Variants in CR1 observed in about 807,000 individuals in gnomAD.
CR1 encodes the protein complement C3b/C4b receptor 1 (Knops blood group).
CR1 carries 116 observed loss-of-function variants against 187.3 expected under a neutral mutation model. The observed-to-expected ratio is 0.62, with a 90% CI of 0.53 to 0.72. The LOEUF is 0.72. CR1 is among the 30% of genes least tolerant of loss of function. CR1 has a pLI of 0.00. For missense variants in CR1, 1,731 were observed against 2,110.7 expected (o/e 0.82, Z 3.52); for synonymous variants, 576 against 747.1 (o/e 0.77, Z 3.73).
At chr1:207,636,429 A>T (rs1662815272) in intron 46 of CR1, among the ~76,000 whole-genome samples, 1 of 140,128 alleles carries the variant, frequency 7.1e-6, no homozygotes, top group Non-Finnish European at 1.5e-5. Flanking sequence ...CAGACTCATT[A>T]TAAACTTGGG....
In CR1 at chr1:207,607,296, CAAT is replaced by C. The variant is rs1388043137; in HGVS notation, c.5860_5862del (p.Asn1954del). 1.9e-6 allele frequency: 3 copies of C among 1,613,512 alleles called. No homozygotes were observed. Among genetic ancestry groups the C allele is most frequent in the Non-Finnish European group, 2.5e-6 (3 of 1,179,518 alleles). On this transcript the variant is annotated inframe_deletion, in exon 36 of 47. Transcript: ENST00000367049. ...CATCTACTACTTGTCTCGTCTCAGG[CAAT>C]AATGTCACATGGGATAAGAAGGCAC...
rs1661780555 is a variant in CR1, at chr1:207,607,279, A to G, written c.5839A>G (p.Thr1947Ala). The change falls in exon 36 of 47, where the codon ACT becomes GCT. Residue 1947 changes from threonine (T) to alanine (A), a missense_variant. Physicochemically the swap from Thr to Ala is moderately conservative, Grantham distance 58. Around this residue, in one of 5 missense-constraint regions of CR1, gnomAD observed 1,312 missense variants for 1,379.6 expected, o/e 0.95. Coordinates refer to ENST00000367049, the MANE Select transcript of CR1 (RefSeq NM_000651.6). ...TCGACTCATTGGTTCCCCATCTACT[A>G]CTTGTCTCGTCTCAGGCAATAATGT... ...GFRLIGSPST[T>A]CLVSGNNVTW... The G allele has an allele frequency of 3.1e-6, 5 of 1,613,574 alleles. No individual in the cohort carries two copies. The highest frequency in any genetic ancestry group is 3.4e-6 in the Non-Finnish European group (4 of 1,179,534).
chr1:207,506,983 A>T, intron 3 of CR1, 170 bp downstream of exon 3: 1 of 569,830 alleles, frequency 1.8e-6, no homozygotes, highest in South Asian at 2.6e-5. Flanking sequence ...GTATGACAAG[A>T]TCGGGGGAAA....
rs555640740 is a variant in CR1 at position 207,596,075 on chromosome 1, CTATA to C, written c.5810+7314_5810+7317del. ...TATCTATATATATCTATATCTATAT[CTATA>C]TATATATATATAATCAAATTTTAAA... On this transcript the variant is annotated intron_variant, in intron 35 of 46. Coordinates refer to ENST00000367049, the MANE Select transcript of CR1 (RefSeq NM_000651.6). Among the ~76,000 whole-genome samples the C allele has an allele frequency of 3.0e-4, 37 of 124,556 alleles. No individual in the cohort carries two copies. The East Asian group carries it at 8.1e-3, about 27-fold the overall frequency. 81.7% of individuals were successfully genotyped at this position (124,556 alleles called of 152,430 possible).
At chr1:207,512,498 C>A (rs773374825) in intron 4 of CR1, among the ~76,000 whole-genome samples, 32 of 152,284 alleles carry the variant, frequency 2.1e-4, no homozygotes, top group Non-Finnish European at 4.6e-4. Flanking sequence ...GTAGTGAGGG[C>A]CAGGCTGAGG....
At chr1:207,595,355 A>C (rs1661398799) in intron 35 of CR1, among the ~76,000 whole-genome samples, 1 of 152,138 alleles carries the variant, frequency 6.6e-6, no homozygotes, top group Non-Finnish European at 1.5e-5. Context: ...TTCTCAGGCT[A>C]TAAAGAAAAA....
At chr1:207,627,916 G>C (rs1445039828) in intron 45 of CR1, among the ~76,000 whole-genome samples, 1 of 152,096 alleles carries the variant, frequency 6.6e-6, no homozygotes, top group African/African-American at 2.4e-5. Flanking sequence ...AGGAGTAAAG[G>C]AGCTCTCCTG....
chr1:207,621,661 C>T (rs1244017229), intron 43 of CR1, among the ~76,000 whole-genome samples: 2 of 152,030 alleles, frequency 1.3e-5, no homozygotes, highest in Non-Finnish European at 2.9e-5. Flanking sequence ...TGAAAACACA[C>T]ATATAAGGAA....
At chr1:207,511,271 T>C (rs1474446299) in intron 3 of CR1, among the ~76,000 whole-genome samples, 2 of 152,182 alleles carry the variant, frequency 1.3e-5, no homozygotes, top group South Asian at 2.1e-4. Flanking sequence ...CTCAAGAACT[T>C]TGTGCTATCT....
chr1:207,590,070 C>A (rs1457267113), intron 35 of CR1, among the ~76,000 whole-genome samples: 1 of 152,172 alleles, frequency 6.6e-6, no homozygotes, highest in African/African-American at 2.4e-5. Context: ...CCCAACCTAG[C>A]AAGACAGTCC....
At chr1:207,566,059 G>A (rs549016733) in intron 24 of CR1, 136 bp downstream of exon 24, 83 of 1,242,042 alleles carry the variant, frequency 6.7e-5, no homozygotes, top group Non-Finnish European at 8.7e-5. Context: ...TTTTAATAAT[G>A]TTTGGTTGTG....
In CR1 at chr1:207,587,479, A is replaced by C; in HGVS notation, c.5624A>C (p.Glu1875Ala). 6.2e-7 allele frequency: 1 copy of C among 1,613,972 alleles called. No individual in the cohort carries two copies. Among genetic ancestry groups the C allele is most frequent in the Non-Finnish European group, 8.5e-7 (1 of 1,179,828 alleles). ...CCAGTCGGGACATCTTTGAATTATG[A>C]ATGCCGTCCTGGGTATTTTGGGAAA... ...EFPVGTSLNY[E>A]CRPGYFGKMF... Residue 1875 changes from glutamate (E) to alanine (A), a missense_variant, in exon 34 of 47, where the codon GAA becomes GCA. Transcript: ENST00000367049.
At chr1:207,515,271 A>G (rs1208626878) in intron 4 of CR1, among the ~76,000 whole-genome samples, 1 of 145,118 alleles carries the variant, frequency 6.9e-6, no homozygotes, top group East Asian at 2.0e-4. Context: ...GTATACGTAT[A>G]CATATATAGG....
rs949420429 is a variant in CR1 at position 207,640,570 on chromosome 1, T to C, written c.*1161T>C. On this transcript the variant is annotated 3_prime_UTR_variant, in exon 47 of 47. Transcript: ENST00000367049. ...CTTACTTTTGTATGGATTCAGAATATACTAAATTAACTTTTTAAAACACAA... is the reference window on the plus strand; with the variant it reads ...CTTACTTTTGTATGGATTCAGAATACACTAAATTAACTTTTTAAAACACAA... 5 of 152,238 alleles carry C rather than the reference T, an allele frequency of 3.3e-5. No homozygotes were observed. The highest frequency in any genetic ancestry group is 5.9e-5 in the Non-Finnish European group (4 of 68,044). 9.4% of individuals were successfully genotyped at this position (152,238 alleles called of 1,614,324 possible).
At chr1:207,627,004 C>G (rs1486496935) in intron 45 of CR1, among the ~76,000 whole-genome samples, 4 of 152,068 alleles carry the variant, frequency 2.6e-5, no homozygotes, top group African/African-American at 9.7e-5. Flanking sequence ...TGCCACTGCA[C>G]TCCAGCCTGG....
intron 39 of CR1, among the ~76,000 whole-genome samples, chr1:207,614,155 T>A (rs1001376895): frequency 6.6e-6 from 1 of 152,208 alleles, no homozygotes; most frequent in Non-Finnish European, 1.5e-5. Flanking sequence ...ATTATGCACA[T>A]CAGCTCTAAT....
intron 27 of CR1, among the ~76,000 whole-genome samples, chr1:207,574,480 ATTC>A (rs1660673874): frequency 6.6e-6 from 1 of 152,174 alleles, no homozygotes; most frequent in Admixed American, 6.5e-5. Context: ...TTCCCAGGTA[ATTC>A]ATAAGCAAAT....
chr1:207,614,972 C>G (rs1304368030), intron 40 of CR1, among the ~76,000 whole-genome samples: 4 of 151,998 alleles, frequency 2.6e-5, no homozygotes, highest in Non-Finnish European at 5.9e-5. Context: ...CCACACCTGG[C>G]TAATTTTTGT....
At chr1:207,600,924 A>C (rs927254005) in intron 35 of CR1, 1 of 152,114 alleles carries the variant, frequency 6.6e-6, no homozygotes, top group Non-Finnish European at 1.5e-5. Context: ...TACTCATAAA[A>C]ATTTCTGGGG....
Sources: allele counts gnomAD v4.1 joint callset (sites outside exome capture counted in the v4.1 genomes callset), GRCh38; gene constraint gnomAD v4.1.1; regional missense constraint gnomAD v4.1.1; transcripts MANE v1.5; gene names NCBI Gene and HGNC (gene_info 2026-07-23, HGNC 2026-07-21).